Variants in LRRC36 observed in about 807,000 individuals in gnomAD.
LRRC36 encodes leucine rich repeat containing 36.
Under a neutral mutation model 81.1 loss-of-function variants are expected in LRRC36, and 62 were observed. The observed-to-expected ratio is 0.76, with a 90% confidence interval of 0.62 to 0.94. LRRC36 has a LOEUF of 0.94. LRRC36 is among the 40% of genes least tolerant of loss of function. LRRC36 has a pLI of 0.00. For missense variants in LRRC36, 761 were observed against 881.7 expected (o/e 0.86, Z 1.73); for synonymous variants, 334 against 348.6 (o/e 0.96, Z 0.47).
At chr16:67,381,753 G>A (rs2040119384) in intron 12 of LRRC36, among the ~76,000 whole-genome samples, 1 of 152,130 alleles carries the variant, frequency 6.6e-6, no homozygotes, top group African/African-American at 2.4e-5. Context: ...CGAGCAGCTG[G>A]AATTACAGGT....
intron 11 of LRRC36, among the ~76,000 whole-genome samples, chr16:67,377,710 C>T (rs2039957246): frequency 6.6e-6 from 1 of 151,362 alleles, no homozygotes; most frequent in African/African-American, 2.4e-5. Flanking sequence ...TCTCGGCTCA[C>T]TGCAAGCTCC....
chr16:67,357,825 A>G (rs760152488), intron 5 of LRRC36, among the ~76,000 whole-genome samples: 45 of 152,230 alleles, frequency 3.0e-4, no homozygotes, highest in Non-Finnish European at 5.3e-4. Context: ...TGTGAAGTGG[A>G]GCCTCATCCA....
chr16:67,326,882 T>C lies in LRRC36; in HGVS notation c.20T>C (p.Leu7Pro). ...GCGGGGATGGCGGAGCAATGGGAGCTGGACGAGGAAGGCATTCGCCGCCTG... is the reference window on the plus strand; with the variant it reads ...GCGGGGATGGCGGAGCAATGGGAGCCGGACGAGGAAGGCATTCGCCGCCTG... Reference protein sequence around the residue: MAEQWELDEEGIRRLGA... With the variant: MAEQWEPDEEGIRRLGA... The change falls in exon 1 of 14, where the codon CTG becomes CCG. Residue 7 changes from leucine to proline, a missense_variant. This residue lies in a region of LRRC36 where 263 missense variants were observed against 279.3 expected (regional missense o/e 0.94). Transcript: ENST00000329956. 6.9e-7 allele frequency: 1 copy of C among 1,458,118 alleles called. No individual in the cohort carries two copies. Among genetic ancestry groups the C allele is most frequent in the South Asian group, 1.4e-5 (1 of 69,052 alleles). The allele number at this position is 1,458,118 out of a possible 1,614,324, so 90.3% of individuals were successfully genotyped here. A position where few individuals can be genotyped will look rare whatever the true frequency, so the allele number is the denominator to read the frequency against.
chr16:67,374,717 A>G (rs998583146), intron 9 of LRRC36, among the ~76,000 whole-genome samples: 8 of 152,170 alleles, frequency 5.3e-5, no homozygotes, highest in Non-Finnish European at 1.0e-4. Flanking sequence ...ATTAAAAATT[A>G]TGATACAAGA....
chr16:67,369,879 T>A (rs891093388), intron 8 of LRRC36, among the ~76,000 whole-genome samples: 4 of 152,266 alleles, frequency 2.6e-5, no homozygotes, highest in Admixed American at 2.6e-4. Context: ...TTATGGGAGC[T>A]ACAATTCAAG....
chr16:67,366,886 G>C, intron 7 of LRRC36, 131 bp from the exon 8 acceptor site: 1 of 691,610 alleles, frequency 1.4e-6, no homozygotes, highest in Admixed American at 2.8e-5. Flanking sequence ...CCATTGATCA[G>C]AATTATAAAC....
intron 5 of LRRC36, among the ~76,000 whole-genome samples, chr16:67,354,752 G>C (rs188324442): frequency 1.3e-5 from 2 of 152,216 alleles, no homozygotes; most frequent in African/African-American, 4.8e-5. Context: ...AACCTGCACT[G>C]ACACATCATT....
chr16:67,377,070 A>G (rs1339364615), intron 11 of LRRC36, among the ~76,000 whole-genome samples, 198 bp downstream of exon 11: 1 of 152,222 alleles, frequency 6.6e-6, no homozygotes, highest in Non-Finnish European at 1.5e-5. Flanking sequence ...CCCTAATCCA[A>G]AAATTCTAAA....
In LRRC36 at chr16:67,382,196, C is replaced by T. The variant is rs1567506759; in HGVS notation, c.1994C>T (p.Ala665Val). 2.5e-6 allele frequency: 4 copies of T among 1,614,016 alleles called. No individual in the cohort carries two copies. The highest frequency in any genetic ancestry group is 3.4e-6 in the Non-Finnish European group (4 of 1,180,016). The change falls in exon 13 of 14, where the codon GCC (alanine) becomes GTC (valine). Residue 665 changes from alanine (A) to valine (V), a missense_variant. Around this residue, in one of 3 missense-constraint regions of LRRC36, gnomAD observed 359 missense variants for 388.4 expected, o/e 0.92. Transcript: ENST00000329956. ...MQVACLNQEL[A>V]QLKKLEKTVA... ...GTGGCTTGCCTGAACCAGGAGCTTG[C>T]CCAGCTGAAAAAGCTGGAGAAGACA...
Position 67,341,941 on chromosome 16 carries a change from G to A in LRRC36, c.71-16G>A. The A allele has an allele frequency of 6.2e-7, 1 of 1,600,046 alleles. No individual in the cohort carries two copies. Among genetic ancestry groups the A allele is most frequent in the Non-Finnish European group, 8.5e-7 (1 of 1,171,984 alleles). ...GAGCAGGGATCATAATATATCTACTGATGATCTCTTTTCAGAACTGGTGGA... is the reference window on the plus strand; with the variant it reads ...GAGCAGGGATCATAATATATCTACTAATGATCTCTTTTCAGAACTGGTGGA... On this transcript the variant is annotated splice_polypyrimidine_tract_variant and intron_variant, in intron 1 of 13. Transcript: ENST00000329956.
At chr16:67,358,222 C>A (rs1447112755) in intron 5 of LRRC36, among the ~76,000 whole-genome samples, 2 of 149,368 alleles carry the variant, frequency 1.3e-5, no homozygotes, top group Admixed American at 6.6e-5. Context: ...AAAAAACAAC[C>A]AAAAGACTTC....
intron 2 of LRRC36, among the ~76,000 whole-genome samples, chr16:67,342,578 T>A (rs1319519435): frequency 6.6e-6 from 1 of 152,084 alleles, no homozygotes; most frequent in Non-Finnish European, 1.5e-5. Flanking sequence ...AGTCAGGGGA[T>A]GATGGAGCAG....
chr16:67,377,917 G>A (rs2039966738), intron 11 of LRRC36, among the ~76,000 whole-genome samples: 1 of 152,208 alleles, frequency 6.6e-6, no homozygotes, highest in Non-Finnish European at 1.5e-5. Context: ...ACAGGCCTGA[G>A]CCACTGCACC....
chr16:67,371,212 G>A lies in LRRC36; in HGVS notation c.1464G>A (p.Lys488=). The A allele has an allele frequency of 6.2e-7, 1 of 1,614,188 alleles. No individual in the cohort carries two copies. Among genetic ancestry groups the A allele is most frequent in the Non-Finnish European group, 8.5e-7 (1 of 1,180,050 alleles). Residue 488 remains lysine (K), a synonymous_variant, in exon 9 of 14, where the codon AAG becomes AAA. Transcript: ENST00000329956. ...KDNILANLNL[K]HGFQDATGSE... Reference sequence around the variant, plus strand: ...ATATCCTTGCCAACCTGAATCTAAAGCATGGTTTCCAAGATGCTACAGGCA... The same window carrying A: ...ATATCCTTGCCAACCTGAATCTAAAACATGGTTTCCAAGATGCTACAGGCA...
intron 1 of LRRC36, among the ~76,000 whole-genome samples, chr16:67,331,301 G>A (rs1268467062): frequency 6.6e-6 from 1 of 152,160 alleles, no homozygotes; most frequent in Non-Finnish European, 1.5e-5. Context: ...AGGCCAGGGA[G>A]GAGGATGAGG....
intron 4 of LRRC36, among the ~76,000 whole-genome samples, chr16:67,349,324 C>A (rs2038506124): frequency 6.6e-6 from 1 of 150,422 alleles, no homozygotes; most frequent in African/African-American, 2.4e-5. Context: ...TTTTTTTAAG[C>A]CTTTCTGAGT....
intron 2 of LRRC36, among the ~76,000 whole-genome samples, chr16:67,343,927 C>G (rs1409397383): frequency 2.6e-5 from 4 of 151,894 alleles, no homozygotes; most frequent in Admixed American, 6.6e-5. Flanking sequence ...GGAGATTCTC[C>G]TGACTCAGCC....
At position 67,348,566 on chromosome 16, in the gene LRRC36, T is replaced by A. The variant is rs545249267; in HGVS notation, c.488+975T>A. The A allele has an allele frequency of 3.9e-5, 6 of 152,342 alleles. No individual in the cohort carries two copies. The East Asian group carries it at 1.2e-3, about 29-fold the overall frequency. The allele number at this position is 152,342 out of a possible 1,614,324, so 9.4% of individuals were successfully genotyped here. A position where few individuals can be genotyped will look rare whatever the true frequency, so the allele number is the denominator to read the frequency against. On this transcript the variant is annotated intron_variant, in intron 4 of 13. Coordinates refer to ENST00000329956, the MANE Select transcript of LRRC36 (RefSeq NM_018296.6). ...CCTCCACCTCCCGGGTTCAAGTGAT[T>A]CTGCTGCCTCAGCCTCCTGTGTAGC...
intron 5 of LRRC36, among the ~76,000 whole-genome samples, chr16:67,356,232 C>G (rs1307723154): frequency 3.3e-5 from 5 of 152,192 alleles, no homozygotes; most frequent in African/African-American, 1.2e-4. Context: ...TGGCTCATTC[C>G]TGTGTCTAGC....
Sources: gnomAD v4.1 joint callset for allele counts (sites outside exome capture counted in the v4.1 genomes callset) on GRCh38, gnomAD v4.1.1 for gene constraint, gnomAD v4.1.1 regional missense constraint, MANE v1.5 for transcripts, NCBI Gene and HGNC (gene_info 2026-07-23, HGNC 2026-07-21) for gene names.